Variants in MXI1 observed in about 807,000 individuals in gnomAD.
MXI1 encodes max-interacting protein 1.
MXI1 carries 18 observed loss-of-function variants against 36.9 expected under a neutral mutation model. That is an observed-to-expected ratio of 0.49 (90% confidence interval 0.34 to 0.72). The LOEUF is 0.72. Ranked by LOEUF, MXI1 falls within the 30% of genes least tolerant of loss-of-function variation. The pLI is 0.01. For synonymous variants in MXI1, 160 were observed against 146.7 expected, an observed-to-expected ratio of 1.09 and a Z score of -0.65; for missense variants, 304 against 379.1, an observed-to-expected ratio of 0.80 and a Z score of 1.64.
intron 1 of MXI1, chr10:110,226,415 G>T: frequency 8.7e-7 from 1 of 1,146,782 alleles, no homozygotes; most frequent in Non-Finnish European, 1.1e-6. Flanking sequence ...TGAGGGGAGG[G>T]GTGTGCGCGC....
rs539545146 is a variant in MXI1, at chr10:110,251,613, A to G, written c.437+6756A>G. On this transcript the variant is annotated intron_variant, in intron 3 of 5. Transcript: ENST00000332674. ...AATACCAAAGTACACTGCATGAAGT[A>G]AAGTGAAATATGGAATTGTGAAACC... Among the ~76,000 whole-genome samples the G allele has an allele frequency of 3.3e-5, 5 of 152,324 alleles. No homozygotes were observed. The South Asian group carries it at 6.2e-4, about 19-fold the overall frequency.
intron 3 of MXI1, among the ~76,000 whole-genome samples, chr10:110,259,009 G>A (rs1291599425): frequency 6.6e-6 from 1 of 152,000 alleles, no homozygotes; most frequent in East Asian, 1.9e-4. Context: ...CTGATGTGTG[G>A]GAAGAAATGA....
chr10:110,238,889 T>C (rs752952619), intron 2 of MXI1, among the ~76,000 whole-genome samples: 18 of 152,202 alleles, frequency 1.2e-4, no homozygotes, highest in South Asian at 1.0e-3. Flanking sequence ...TATTCTCTTA[T>C]CCTTTTAATG....
rs1265849015 is a variant in MXI1 at position 110,286,637 on chromosome 10, T to C, written c.*1650T>C. 6.6e-6 allele frequency: 1 copy of C among 152,632 alleles called. No homozygotes were observed. Among genetic ancestry groups the C allele is most frequent in the African/African-American group, 2.4e-5 (1 of 41,440 alleles). 9.5% of individuals were successfully genotyped at this position (152,632 alleles called of 1,614,324 possible). A position where few individuals can be genotyped will look rare whatever the true frequency, so the allele number is the denominator to read the frequency against. On this transcript the variant is annotated 3_prime_UTR_variant, in exon 6 of 6. Coordinates refer to ENST00000332674, the MANE Select transcript of MXI1 (RefSeq NM_130439.3). ...AAGACAACCATATTTAGCAGTGCAGTTGAGTTGTGTGTTAATGTTAGACTA... is the reference window on the plus strand; with the variant it reads ...AAGACAACCATATTTAGCAGTGCAGCTGAGTTGTGTGTTAATGTTAGACTA...
intron 3 of MXI1, among the ~76,000 whole-genome samples, chr10:110,260,749 A>G (rs1053300284): frequency 1.3e-5 from 2 of 152,080 alleles, no homozygotes; most frequent in East Asian, 1.9e-4. Flanking sequence ...GTGTGTACAC[A>G]TACACACACT....
chr10:110,280,217 A>G (rs1220822175), intron 5 of MXI1, 132 bp downstream of exon 5: 1 of 698,080 alleles, frequency 1.4e-6, no homozygotes, highest in East Asian at 3.1e-5. Flanking sequence ...TTATGCAATC[A>G]TAATATTGTC....
intron 5 of MXI1, among the ~76,000 whole-genome samples, chr10:110,280,679 C>CAAA (rs754769947): frequency 1.7e-5 from 2 of 117,816 alleles, no homozygotes; most frequent in Non-Finnish European, 1.8e-5. Context: ...GGTTCCGTCT[C>CAAA]AAAAAAAAAA....
intron 2 of MXI1, among the ~76,000 whole-genome samples, chr10:110,237,014 T>G (rs1855499378): frequency 6.6e-6 from 1 of 152,238 alleles, no homozygotes; most frequent in African/African-American, 2.4e-5. Flanking sequence ...AATTTTTCCT[T>G]AAGTATTCTT....
chr10:110,248,745 C>T (rs913786660), intron 3 of MXI1, among the ~76,000 whole-genome samples: 9 of 152,130 alleles, frequency 5.9e-5, no homozygotes, highest in Non-Finnish European at 8.8e-5. Flanking sequence ...TTCTTCCACT[C>T]TCTCTTTACT....
intron 3 of MXI1, among the ~76,000 whole-genome samples, chr10:110,261,429 ATTTT>A (rs754963291): frequency 7.1e-6 from 1 of 141,224 alleles, no homozygotes; most frequent in Non-Finnish European, 1.6e-5. Flanking sequence ...TATTCAAACC[ATTTT>A]TTTTTTTTTT....
Position 110,207,681 on chromosome 10 carries a change from G to T in MXI1, c.-128G>T. ...CACAACTGCAGGCAGCGAGGCTCGG[G>T]AAGTCAGGCCGGCTTTTCGCCCCGG... On this transcript the variant is annotated 5_prime_UTR_variant, in exon 1 of 6. Coordinates refer to ENST00000332674, the MANE Select transcript of MXI1 (RefSeq NM_130439.3). The T allele has an allele frequency of 2.6e-6, 1 of 391,806 alleles. No individual in the cohort carries two copies. Among genetic ancestry groups the T allele is most frequent in the Non-Finnish European group, 3.6e-6 (1 of 280,824 alleles). The allele number at this position is 391,806 out of a possible 1,614,324, so 24.3% of individuals were successfully genotyped here. A position where few individuals can be genotyped will look rare whatever the true frequency, so the allele number is the denominator to read the frequency against.
intron 1 of MXI1, among the ~76,000 whole-genome samples, chr10:110,209,347 G>A (rs1205166926): frequency 6.6e-6 from 1 of 151,776 alleles, no homozygotes; most frequent in Admixed American, 6.6e-5. Flanking sequence ...GTGAGAGAGA[G>A]AGAAAGAAAG....
At chr10:110,216,665 G>GTTTTTTTTTTGTTTTTTTTTTGTTTTT (rs1854645560) in intron 1 of MXI1, among the ~76,000 whole-genome samples, 1 of 79,060 alleles carries the variant, frequency 1.3e-5, no homozygotes, top group African/African-American at 8.0e-5. Flanking sequence ...TGTGTTTAAT[G>GTTTTTTTTTTGTTTTTTTTTTGTTTTT]TTTTTTTTTT....
chr10:110,236,212 C>T (rs1057464742), intron 2 of MXI1, among the ~76,000 whole-genome samples: 1 of 105,498 alleles, frequency 9.5e-6, no homozygotes, highest in Non-Finnish European at 1.7e-5. Flanking sequence ...AAAGACTATA[C>T]TTTATTCATT....
chr10:110,260,965 G>T, intron 3 of MXI1: 3 of 983,336 alleles, frequency 3.1e-6, no homozygotes, highest in Non-Finnish European at 3.6e-6. Flanking sequence ...TGGTTTTGTG[G>T]TTGTAACTGT....
intron 1 of MXI1, among the ~76,000 whole-genome samples, chr10:110,224,237 T>C (rs769376059): frequency 6.6e-6 from 1 of 152,154 alleles, no homozygotes; most frequent in Non-Finnish European, 1.5e-5. Flanking sequence ...GTTAATATAA[T>C]TGGGGTGGAA....
In MXI1 at chr10:110,207,982, C is replaced by A; in HGVS notation, c.174C>A (p.Ser58Arg). The A allele has an allele frequency of 1.9e-6, 3 of 1,601,938 alleles. No homozygotes were observed. Among genetic ancestry groups the A allele is most frequent in the Non-Finnish European group, 2.6e-6 (3 of 1,174,676 alleles). Residue 58 changes from serine (S) to arginine (R), a missense_variant, in exon 1 of 6, where the codon AGC becomes AGA. By Grantham distance (110) the Ser-to-Arg change is moderately radical. This residue lies in a region of MXI1 where 179 missense variants were observed against 184.8 expected (regional missense o/e 0.97). Transcript: ENST00000332674. ...CCTTCTCAGACATTTTCAACACCAG[C>A]GAGAACTCGATGGAGAAGCACATCA... ...RCPFSDIFNT[S>R]ENSMEKHINT...
chr10:110,237,189 T>C (rs1590355141), intron 2 of MXI1, among the ~76,000 whole-genome samples: 1 of 152,218 alleles, frequency 6.6e-6, no homozygotes, highest in East Asian at 1.9e-4. Flanking sequence ...TCCTTCTGTG[T>C]ATTTCCTTTT....
At chr10:110,249,449 C>G (rs918770040) in intron 3 of MXI1, among the ~76,000 whole-genome samples, 1 of 151,754 alleles carries the variant, frequency 6.6e-6, no homozygotes, top group Non-Finnish European at 1.5e-5. Context: ...CATGGTGGTG[C>G]ATCCTTGTAA....
Sources: allele counts gnomAD v4.1 joint callset (sites outside exome capture counted in the v4.1 genomes callset), GRCh38; gene constraint gnomAD v4.1.1; regional missense constraint gnomAD v4.1.1; transcripts MANE v1.5; gene names NCBI Gene and HGNC (gene_info 2026-07-23, HGNC 2026-07-21).